Variants in CSMD1 observed in about 807,000 individuals in gnomAD.
CSMD1 encodes CUB and Sushi multiple domains 1.
In CSMD1, 213 loss-of-function variants were observed where a neutral mutation model predicts 417.5. That is an observed-to-expected ratio of 0.51 (90% CI 0.46 to 0.57). CSMD1 has a LOEUF of 0.57. Ranked by LOEUF, CSMD1 falls within the 20% of genes least tolerant of loss-of-function variation. CSMD1 has a pLI of 0.00. For synonymous variants in CSMD1, 2,862 were observed against 1,736.8 expected (o/e 1.65, Z -16.11); for missense variants, 6,923 against 4,529.7 (o/e 1.53, Z -15.17).
At chr8:3,513,557 G>C (rs1258685071) in intron 10 of CSMD1, among the ~76,000 whole-genome samples, 1 of 152,056 alleles carries the variant, frequency 6.6e-6, no homozygotes, top group Non-Finnish European at 1.5e-5. Flanking sequence ...TGTTAGTTCT[G>C]TCCTTTGGGA....
At chr8:4,576,307 C>G (rs1024940768) in intron 2 of CSMD1, among the ~76,000 whole-genome samples, 1 of 152,206 alleles carries the variant, frequency 6.6e-6, no homozygotes, top group Non-Finnish European at 1.5e-5. Flanking sequence ...GGGTTCTCCT[C>G]TCATTCTTTT....
intron 3 of CSMD1, among the ~76,000 whole-genome samples, chr8:4,188,727 T>C (rs1411344017): frequency 6.6e-6 from 1 of 152,036 alleles, no homozygotes; most frequent in Non-Finnish European, 1.5e-5. Flanking sequence ...AATAAACAAT[T>C]TTTGAGTAAT....
chr8:4,400,761 GT>G (rs11439463), intron 3 of CSMD1, among the ~76,000 whole-genome samples: 8,903 of 139,468 alleles, frequency 0.064, 320 homozygotes, highest in African/African-American at 0.11. Context: ...ATACAGATCA[GT>G]TTTTTTTTTT....
intron 20 of CSMD1, among the ~76,000 whole-genome samples, chr8:3,363,421 T>G (rs1389743690): frequency 6.6e-6 from 1 of 152,146 alleles, no homozygotes; most frequent in Non-Finnish European, 1.5e-5. Flanking sequence ...AGAAAACAAA[T>G]TCTGCCTAGG....
chr8:4,010,589 C>A (rs550411655), intron 4 of CSMD1, among the ~76,000 whole-genome samples: 1 of 150,284 alleles, frequency 6.7e-6, no homozygotes. Context: ...TGCAGTCTGA[C>A]TACATTCTGA....
At position 4,138,193 on chromosome 8, in the gene CSMD1, G is replaced by A. The variant is rs955448836; in HGVS notation, c.416-106094C>T. ...GCCTCCCAAAGTGCTGGGATTACAG[G>A]CGCAGCCTTACATTTTTTTTTTTTT... is the stretch of plus-strand genomic sequence containing the variant. On this transcript the variant is annotated intron_variant, in intron 3 of 69. Coordinates refer to ENST00000635120, the MANE Select transcript of CSMD1 (RefSeq NM_033225.6). 6.4e-5 allele frequency among the ~76,000 whole-genome samples: 9 copies of A among 141,048 alleles called. 1 individual carries two copies. The highest frequency in any genetic ancestry group is 5.3e-4 in the Admixed American group (7 of 13,102). 92.5% of individuals were successfully genotyped at this position (141,048 alleles called of 152,430 possible).
rs1011767611 is a variant in CSMD1 at position 4,802,946 on chromosome 8, C to G, written c.86-165388G>C. On this transcript the variant is annotated intron_variant, in intron 1 of 69. Transcript: ENST00000635120. ...GAGGCAGAATAAAGTGATCTTAGTG[C>G]TGGCTTCTACAAGAAATTATATTTT... Among the ~76,000 whole-genome samples the G allele has an allele frequency of 2.8e-4, 43 of 152,140 alleles. 1 individual carries two copies. Among genetic ancestry groups the G allele is most frequent in the Admixed American group, 2.8e-3 (42 of 15,266 alleles).
At chr8:3,922,179 A>G (rs913229671) in intron 5 of CSMD1, among the ~76,000 whole-genome samples, 1 of 152,068 alleles carries the variant, frequency 6.6e-6, no homozygotes, top group Non-Finnish European at 1.5e-5. Context: ...TTTGTATTAT[A>G]AAAATATAGA....
At chr8:3,878,241 AT>A (rs1161196093) in intron 5 of CSMD1, among the ~76,000 whole-genome samples, 4 of 152,172 alleles carry the variant, frequency 2.6e-5, no homozygotes, top group African/African-American at 9.6e-5. Flanking sequence ...CGAGATGATA[AT>A]TTCTTAGATT....
At chr8:4,134,525 ACT>A (rs1264747542) in intron 3 of CSMD1, among the ~76,000 whole-genome samples, 1 of 152,060 alleles carries the variant, frequency 6.6e-6, no homozygotes, top group African/African-American at 2.4e-5. Context: ...TGAGAAGATA[ACT>A]CTTGTTGTTT....
chr8:4,873,719 G>T (rs1802870864), intron 1 of CSMD1, among the ~76,000 whole-genome samples: 1 of 151,934 alleles, frequency 6.6e-6, no homozygotes, highest in Non-Finnish European at 1.5e-5. Flanking sequence ...ACCAATATTT[G>T]GCTTCAAGGA....
chr8:3,720,620 T>TTCTCACACACACGC (rs72331833), intron 6 of CSMD1, among the ~76,000 whole-genome samples: 1 of 143,322 alleles, frequency 7.0e-6, no homozygotes, highest in Non-Finnish European at 1.5e-5. Context: ...TCTTTATTCT[T>TTCTCACACACACGC]ACACACACAC....
At chr8:3,980,843 A>G (rs1273225882) in intron 5 of CSMD1, among the ~76,000 whole-genome samples, 1 of 152,210 alleles carries the variant, frequency 6.6e-6, no homozygotes, top group Non-Finnish European at 1.5e-5. Flanking sequence ...GCAGTTGGCT[A>G]CTTTGAAAAT....
intron 6 of CSMD1, among the ~76,000 whole-genome samples, chr8:3,721,180 C>T (rs1201979475): frequency 2.6e-5 from 4 of 151,768 alleles, no homozygotes; most frequent in Admixed American, 2.6e-4. Flanking sequence ...ATTTTTTTTT[C>T]TCCAGCCTCT....
chr8:4,499,562 G>A (rs915900820), intron 2 of CSMD1, among the ~76,000 whole-genome samples: 9 of 152,186 alleles, frequency 5.9e-5, no homozygotes, highest in Non-Finnish European at 1.2e-4. Context: ...TAACATATAA[G>A]AGGGCAATAA....
chr8:2,988,196 T>C (rs575767078), intron 54 of CSMD1, among the ~76,000 whole-genome samples: 1 of 152,288 alleles, frequency 6.6e-6, no homozygotes, highest in South Asian at 2.1e-4. Context: ...GATTCTTTAG[T>C]GAAGTTTTTG....
intron 27 of CSMD1, among the ~76,000 whole-genome samples, chr8:3,224,457 C>T (rs948038944): frequency 2.0e-5 from 3 of 152,198 alleles, no homozygotes; most frequent in African/African-American, 7.2e-5. Flanking sequence ...TGGCATTTCA[C>T]ATTCTCCCAG....
intron 38 of CSMD1, 27 bp from the exon 39 acceptor site, chr8:3,157,993 A>G (rs1431992409): frequency 6.6e-7 from 1 of 1,513,216 alleles, no homozygotes; most frequent in Non-Finnish European, 9.0e-7. Flanking sequence ...AAAAGAAAAT[A>G]CATATAACTA....
chr8:4,486,120 T>C (rs1236191238), intron 2 of CSMD1, among the ~76,000 whole-genome samples: 1 of 66,554 alleles, frequency 1.5e-5, no homozygotes, highest in Admixed American at 2.0e-4. Context: ...TATATATACA[T>C]ACATATATAT....
Sources: gnomAD v4.1 joint callset for allele counts (sites outside exome capture counted in the v4.1 genomes callset) on GRCh38, gnomAD v4.1.1 for gene constraint, MANE v1.5 for transcripts, NCBI Gene and HGNC (gene_info 2026-07-23, HGNC 2026-07-21) for gene names.